Variants in SLC26A6 observed in about 807,000 individuals in gnomAD.
SLC26A6 encodes the protein anion exchange transporter.
In SLC26A6, 67 loss-of-function variants were observed where a neutral mutation model predicts 87.1. The ratio of observed to expected loss-of-function variants is 0.77; its 90% CI spans 0.63 to 0.94. The LOEUF is 0.94. Among genes scored for constraint, SLC26A6 ranks in the 40% least tolerant of loss-of-function variants. The pLI is 0.00. For synonymous variants in SLC26A6, 414 were observed against 405.9 expected, an observed-to-expected ratio of 1.02 and a Z score of -0.24; for missense variants, 902 against 973.0, an observed-to-expected ratio of 0.93 and a Z score of 0.97.
chr3:48,633,595 T>C lies in SLC26A6; in HGVS notation c.64A>G (p.Met22Val), dbSNP rs2046875106. ...TGGTAGTCTCGCCTCCGCAGGTCCA[T>C]TGCTTGTGTTGCAGACAGCAGTGCC... is the stretch of plus-strand genomic sequence containing the variant. ...TQALLSATQA[M>V]DLRRRDYHME... Residue 22 changes from methionine (M) to valine (V), a missense_variant, in exon 2 of 21, where the codon ATG (methionine) becomes GTG (valine). Transcript: ENST00000395550. 3.7e-6 allele frequency: 6 copies of C among 1,613,432 alleles called. No individual in the cohort carries two copies. Among genetic ancestry groups the C allele is most frequent in the African/African-American group, 1.3e-5 (1 of 74,908 alleles).
chr3:48,626,034 T>C (rs1371061789), intron 20 of SLC26A6, 34 bp from the exon 21 acceptor site: 1 of 1,613,380 alleles, frequency 6.2e-7, no homozygotes, highest in East Asian at 2.2e-5. Flanking sequence ...CTCTAGTCAG[T>C]TTCCAAAGGA....
chr3:48,634,617 T>C, intron 1 of SLC26A6: 1 of 660,846 alleles, frequency 1.5e-6, no homozygotes, highest in Non-Finnish European at 1.9e-6. Flanking sequence ...CAGAAGGATC[T>C]TACCTGGGGG....
intron 11 of SLC26A6, 128 bp downstream of exon 11, chr3:48,630,310 C>T: frequency 7.7e-7 from 1 of 1,306,528 alleles, no homozygotes. Flanking sequence ...CCAAATCTCA[C>T]CTTGAAGATC....
At position 48,628,861 on chromosome 3, in the gene SLC26A6, CT is replaced by C; in HGVS notation, c.1600-148del. 1 of 908,716 alleles carries C rather than the reference CT, an allele frequency of 1.1e-6. No homozygotes were observed. The highest frequency in any genetic ancestry group is 1.7e-6 in the Non-Finnish European group (1 of 588,588). 56.3% of individuals were successfully genotyped at this position (908,716 alleles called of 1,614,324 possible). A position where few individuals can be genotyped will look rare whatever the true frequency, so the allele number is the denominator to read the frequency against. ...GCTGCAGTCCAGGCCCTCCCAGGGG[CT>C]TAGGCCACAAGCCCGACGGTGTCAT... On this transcript the variant is annotated intron_variant, in intron 14 of 20. Transcript: ENST00000395550. This position sits in a 1 kb window ranked among gnomAD's most constrained non-coding sequence, Gnocchi z 4.4.
Position 48,631,968 on chromosome 3 carries a change from G to A in SLC26A6, c.662C>T (p.Ala221Val), listed in dbSNP as rs1373546029. 6.2e-7 allele frequency: 1 copy of A among 1,613,558 alleles called. No individual in the cohort carries two copies. Among genetic ancestry groups the A allele is most frequent in the East Asian group, 2.2e-5 (1 of 44,892 alleles). The change falls in exon 6 of 21, where the codon GCT (alanine) becomes GTT (valine). Residue 221 changes from alanine (A) to valine (V), a missense_variant. By Grantham distance (64) the Ala-to-Val change is moderately conservative. Around this residue, in one of 3 missense-constraint regions of SLC26A6, gnomAD observed 800 missense variants for 856.8 expected, o/e 0.93. Coordinates refer to ENST00000395550, the MANE Select transcript of SLC26A6 (RefSeq NM_022911.3). ...TGAGACGAAGACCTGCACAGCTGCA[G>A]CTGTGGTATAGCCTCGGACAAGAGG... ...SEPLVRGYTT[A>V]AAVQVFVSQL...
intron 4 of SLC26A6, chr3:48,632,638 G>T (rs1208021153): frequency 7.1e-6 from 5 of 701,042 alleles, no homozygotes; most frequent in Non-Finnish European, 1.3e-5. Flanking sequence ...TGTCCCACCT[G>T]TGTCTACTGG....
Position 48,626,361 on chromosome 3 carries a change from G to A in SLC26A6, c.2129-7C>T. ...AGCTGGCTGACCACAGGGCCTGTGG[G>A]CAAGAAGTAGGCCTCCCCTGACTCT... On this transcript the variant is annotated splice_polypyrimidine_tract_variant and splice_region_variant and intron_variant, in intron 19 of 20. Coordinates refer to ENST00000395550, the MANE Select transcript of SLC26A6 (RefSeq NM_022911.3). 3 of 1,613,956 alleles carry A rather than the reference G, an allele frequency of 1.9e-6. No individual in the cohort carries two copies. Among genetic ancestry groups the A allele is most frequent in the Middle Eastern group, 1.6e-4 (1 of 6,062 alleles).
In SLC26A6 at chr3:48,631,642, C is replaced by G. The variant is rs769616893; in HGVS notation, c.903+7G>C. 2.5e-6 allele frequency: 4 copies of G among 1,611,922 alleles called. No individual in the cohort carries two copies. The East Asian group carries it at 6.7e-5, about 27-fold the overall frequency. Reference sequence around the variant, plus strand: ...CTCCCCTGCCCTCCACTCCCTGGCCCTCGAACCGTGAGCAGCTCCCCGGGT... The same window carrying G: ...CTCCCCTGCCCTCCACTCCCTGGCCGTCGAACCGTGAGCAGCTCCCCGGGT... On this transcript the variant is annotated splice_region_variant and intron_variant, in intron 7 of 20. Transcript: ENST00000395550.
In SLC26A6 at chr3:48,633,491, C is replaced by T. The variant is rs747549850; in HGVS notation, c.168G>A (p.Trp56Ter). 5 of 1,613,106 alleles carry T rather than the reference C, an allele frequency of 3.1e-6. No individual in the cohort carries two copies. In the East Asian group the frequency reaches 1.1e-4, roughly 36 times the overall value. The change falls in exon 2 of 21, where the codon TGG (tryptophan) becomes TGA (stop). Residue 56 changes from tryptophan (W) to a stop codon, truncating the protein, a stop_gained. Transcript: ENST00000395550. LOFTEE classifies it high-confidence loss of function. The stretch of plus-strand genomic sequence containing the variant: ...CTTGGCCTTACTGCAACCAGGTCCG[C>T]CACTGGTGGGTCCTAGGTGCTGAGC... ...RWGSAPRTHQ[W>*]RTWLQCSRAR...
rs745469053 is a variant in SLC26A6 at position 48,628,055 on chromosome 3, A to C, written c.1801-17T>G. ...GGAGGCAGCCTACACCAGGGAAGAC[A>C]GGGAATGGGAAACAGCTAGCCCGGC... On this transcript the variant is annotated splice_polypyrimidine_tract_variant and intron_variant, in intron 16 of 20. Transcript: ENST00000395550. This position sits in a 1 kb window ranked among gnomAD's most constrained non-coding sequence, Gnocchi z 4.4. 1 of 1,552,220 alleles carries C rather than the reference A, an allele frequency of 6.4e-7. No homozygotes were observed. The highest frequency in any genetic ancestry group is 8.7e-7 in the Non-Finnish European group (1 of 1,154,374).
At chr3:48,626,516 C>CCT in intron 19 of SLC26A6, 115 bp downstream of exon 19, 2 of 1,550,370 alleles carry the variant, frequency 1.3e-6, no homozygotes, top group Non-Finnish European at 1.8e-6. Flanking sequence ...TCCCAGGACA[C>CCT]CTCTGACCTC....
rs755321676 is a variant in SLC26A6 at position 48,630,521 on chromosome 3, C to CGGGGAGGGAGTGAGCA, written c.1249-22_1249-7dup. On this transcript the variant is annotated splice_region_variant and splice_polypyrimidine_tract_variant and intron_variant, in intron 10 of 20. Transcript: ENST00000395550. ...GAAGAGATGGCTCCAGCAACCTGTT[C>CGGGGAGGGAGTGAGCA]GGGGAGGGAGTGAGCAGGGGAGAGA... The CGGGGAGGGAGTGAGCA allele has an allele frequency of 1.2e-5, 18 of 1,559,832 alleles. No individual in the cohort carries two copies. In the African/African-American group the frequency reaches 2.0e-4, roughly 18 times the overall value.
Position 48,627,957 on chromosome 3 carries a change from A to G in SLC26A6, c.1882T>C (p.Cys628Arg), listed in dbSNP as rs1324684170. The G allele has an allele frequency of 1.3e-6, 2 of 1,589,374 alleles. No homozygotes were observed. The highest frequency in any genetic ancestry group is 1.4e-5 in the African/African-American group (1 of 73,152). The part of the protein sequence containing the change: ...EDMRSNNVED[C>R]KMMQVSSGDK... Reference sequence around the variant, plus strand: ...ACCTCCAGTCTCACCATCATCTTGCAGTCCTCAACGTTGTTGCTCCTCATG... The same window carrying G: ...ACCTCCAGTCTCACCATCATCTTGCGGTCCTCAACGTTGTTGCTCCTCATG... The change falls in exon 17 of 21, where the codon TGC (cysteine) becomes CGC (arginine). Residue 628 changes from cysteine (C) to arginine (R), a missense_variant. Transcript: ENST00000395550.
chr3:48,628,663 A>C lies in SLC26A6; in HGVS notation c.1651T>G (p.Phe551Val). Residue 551 changes from phenylalanine to valine, a missense_variant, in exon 15 of 21, where the codon TTT (phenylalanine) becomes GTT (valine). By Grantham distance (50) the Phe-to-Val change is conservative (BLOSUM62 -1). Coordinates refer to ENST00000395550, the MANE Select transcript of SLC26A6 (RefSeq NM_022911.3). The surrounding 1 kb of genome is among the most constrained non-coding windows in gnomAD (Gnocchi z 4.4). ...KVFRSSATVYFANAEFYSDAL... is the reference protein window; with the variant it reads ...KVFRSSATVYVANAEFYSDAL... ...TCACTGTAGAACTCAGCATTGGCAA[A>C]GTACACGGTGGCCGAGGAGCGGAAG... The C allele has an allele frequency of 1.2e-6, 2 of 1,613,650 alleles. No homozygotes were observed. The highest frequency in any genetic ancestry group is 1.7e-6 in the Non-Finnish European group (2 of 1,179,902).
At chr3:48,633,748 A>G in intron 1 of SLC26A6, 113 bp from the exon 2 acceptor site, 3 of 1,524,920 alleles carry the variant, frequency 2.0e-6, no homozygotes, top group Admixed American at 2.0e-5. Context: ...CCCTAAGATC[A>G]AGGTACAGTA....
At chr3:48,630,361 C>G (rs71324908) in intron 11 of SLC26A6, 77 bp downstream of exon 11, 78 of 1,473,740 alleles carry the variant, frequency 5.3e-5, no homozygotes, top group Non-Finnish European at 6.7e-5. Flanking sequence ...GTCCCCACCC[C>G]TCGCCTGAAC....
chr3:48,631,987 C>G lies in SLC26A6; in HGVS notation c.643G>C (p.Val215Leu), dbSNP rs776712966. ...FVVTYLSEPL[V>L]RGYTTAAAVQ... The stretch of plus-strand genomic sequence containing the variant: ...GCTGCAGCTGTGGTATAGCCTCGGA[C>G]AAGAGGTTCTGACAGGTAGGTGACC... Residue 215 changes from valine to leucine, a missense_variant, in exon 6 of 21, where the codon GTC becomes CTC. Around this residue, in one of 3 missense-constraint regions of SLC26A6, gnomAD observed 800 missense variants for 856.8 expected, o/e 0.93. Coordinates refer to ENST00000395550, the MANE Select transcript of SLC26A6 (RefSeq NM_022911.3). 1.4e-5 allele frequency: 22 copies of G among 1,613,414 alleles called. No homozygotes were observed. In the South Asian group the frequency reaches 2.2e-4, roughly 16 times the overall value.
At position 48,626,950 on chromosome 3, in the gene SLC26A6, C is replaced by T. The variant is rs2046641656; in HGVS notation, c.1999G>A (p.Asp667Asn). The T allele has an allele frequency of 1.2e-6, 2 of 1,614,102 alleles. No individual in the cohort carries two copies. The highest frequency in any genetic ancestry group is 8.5e-7 in the Non-Finnish European group (1 of 1,180,048). The change falls in exon 18 of 21, where the codon GAC becomes AAC. Residue 667 changes from aspartate to asparagine, a missense_variant. Around this residue, in one of 3 missense-constraint regions of SLC26A6, gnomAD observed 800 missense variants for 856.8 expected, o/e 0.93. Transcript: ENST00000395550. ...TLKALGLPQP[D>N]FHSLILDLGA... is the part of the protein sequence containing the mutation. ...AGGTCCAGGATGAGGCTGTGGAAGT[C>T]TGGCTGAGGCAGGCCCAGGGCCTTC...
At chr3:48,629,794 A>G in intron 13 of SLC26A6, 78 bp downstream of exon 13, 1 of 1,610,328 alleles carries the variant, frequency 6.2e-7, no homozygotes, top group Non-Finnish European at 8.5e-7. Flanking sequence ...AAGTCCCCAG[A>G]GATGTGGGGA....
Sources: gnomAD v4.1 joint callset for allele counts on GRCh38, gnomAD v4.1.1 for gene constraint, gnomAD v4.1.1 regional missense constraint, Gnocchi (gnomAD v3.1) non-coding constraint, MANE v1.5 for transcripts, NCBI Gene and HGNC (gene_info 2026-07-23, HGNC 2026-07-21) for gene names.